TNNT1: variants seen among roughly 807,000 people sequenced by gnomAD.
TNNT1 encodes the protein troponin T, slow skeletal muscle.
Under a neutral mutation model 50.6 loss-of-function variants are expected in TNNT1, and 53 were observed. The ratio of observed to expected loss-of-function variants is 1.05; its 90% confidence interval spans 0.84 to 1.32. The LOEUF (loss-of-function observed/expected upper bound fraction) is 1.32, where lower values mean the gene tolerates loss of function less well. TNNT1 is among the 40% of genes most tolerant of loss of function. The pLI, the probability that TNNT1 is intolerant of heterozygous loss-of-function variation, is 0.00. For missense variants in TNNT1, 348 were observed against 381.7 expected, an observed-to-expected ratio of 0.91 and a Z score of 0.74; for synonymous variants, 142 against 138.0, an observed-to-expected ratio of 1.03 and a Z score of -0.20.
intron 6 of TNNT1, 24 bp from the exon 7 acceptor site, chr19:55,141,944 C>A (rs761290265): frequency 1.1e-5 from 17 of 1,613,146 alleles, no homozygotes; most frequent in Non-Finnish European, 1.4e-5. Flanking sequence ...AACACAGAGA[C>A]CATGAGTGGC....
At chr19:55,136,239 A>G (rs1023506430) in intron 11 of TNNT1, among the ~76,000 whole-genome samples, 2 of 152,128 alleles carry the variant, frequency 1.3e-5, no homozygotes, top group Non-Finnish European at 2.9e-5. Flanking sequence ...AACCCTCCAC[A>G]GGAAGCTGCT....
At chr19:55,141,798 A>G in intron 7 of TNNT1, 59 bp downstream of exon 7, 1 of 1,596,708 alleles carries the variant, frequency 6.3e-7, no homozygotes, top group East Asian at 2.2e-5. Flanking sequence ...TTCATGATTG[A>G]CACAAAGGCC....
intron 6 of TNNT1, 24 bp downstream of exon 6, chr19:55,145,520 G>A: frequency 6.2e-7 from 1 of 1,612,696 alleles, no homozygotes; most frequent in Non-Finnish European, 8.5e-7. Context: ...TATGACTGGG[G>A]CCCCCCACCC....
chr19:55,137,114 C>A lies in TNNT1; in HGVS notation c.600G>T (p.Glu200Asp). 1 of 1,608,998 alleles carries A rather than the reference C, an allele frequency of 6.2e-7. No homozygotes were observed. The highest frequency in any genetic ancestry group is 8.5e-7 in the Non-Finnish European group (1 of 1,176,486). The change falls in exon 11 of 14, where the codon GAG (glutamate) becomes GAT (aspartate). Residue 200 changes from glutamate to aspartate, a missense_variant. Transcript: ENST00000588981. The part of the protein sequence containing the change: ...KKPLDIDYMG[E>D]EQLRARSAWL... ...CCCACAGCACCTACCGGAGCTGTTCCTCCCCCATGTAGTCAATGTCCAGAG... is the reference window on the plus strand; with the variant it reads ...CCCACAGCACCTACCGGAGCTGTTCATCCCCCATGTAGTCAATGTCCAGAG...
In TNNT1 at chr19:55,137,950, G is replaced by A; in HGVS notation, c.501+11C>T. The A allele has an allele frequency of 1.9e-6, 3 of 1,614,166 alleles. No individual in the cohort carries two copies. In the Admixed American group the frequency reaches 5.0e-5, roughly 27 times the overall value. ...AGAACTCAGACCTCAGGCTCCTGCA[G>A]GCTGACTCACCTTGACCAGGTAGCC... On this transcript the variant is annotated intron_variant, in intron 10 of 13. Coordinates refer to ENST00000588981, the MANE Select transcript of TNNT1 (RefSeq NM_003283.6).
chr19:55,146,135 G>C (rs1482786576), intron 5 of TNNT1, among the ~76,000 whole-genome samples: 1 of 152,096 alleles, frequency 6.6e-6, no homozygotes, highest in East Asian at 1.9e-4. Flanking sequence ...GGGGGGATGG[G>C]GTGGTGCTTC....
At chr19:55,145,679 G>T in intron 5 of TNNT1, 114 bp from the exon 6 acceptor site, 1 of 1,130,128 alleles carries the variant, frequency 8.8e-7, no homozygotes, top group Non-Finnish European at 1.3e-6. Flanking sequence ...GGACCCCAGG[G>T]AAGGACTCTG....
intron 12 of TNNT1, 48 bp downstream of exon 12, chr19:55,134,018 G>A (rs1325281867): frequency 1.3e-6 from 2 of 1,592,834 alleles, no homozygotes; most frequent in Non-Finnish European, 1.7e-6. Context: ...GTCCCTCCCA[G>A]CCCAGCCCTG....
At chr19:55,133,991 CTGCCTGGAGTT>C in intron 12 of TNNT1, 64 bp from the exon 13 acceptor site, 1 of 1,612,966 alleles carries the variant, frequency 6.2e-7, no homozygotes, top group Non-Finnish European at 8.5e-7. Flanking sequence ...CCACCCACCC[CTGCCTGGAGTT>C]TGCTGGTCCC....
chr19:55,135,782 A>G (rs1275427627), intron 11 of TNNT1, among the ~76,000 whole-genome samples: 1 of 151,996 alleles, frequency 6.6e-6, no homozygotes, highest in Non-Finnish European at 1.5e-5. Context: ...CAGCCTCCCA[A>G]AGTGCTGGGA....
chr19:55,146,715 T>A lies in TNNT1; in HGVS notation c.47-8A>T. 7.3e-6 allele frequency: 11 copies of A among 1,502,006 alleles called. No homozygotes were observed. The highest frequency in any genetic ancestry group is 8.9e-6 in the Non-Finnish European group (10 of 1,123,660). 93.0% of individuals were successfully genotyped at this position (1,502,006 alleles called of 1,614,324 possible). Reference sequence around the variant, plus strand: ...CCTCCTCCGCAGCCTCCTCTGGAGATGGGGGCACAGAAGAGAAGGCGTTAG... The same window carrying A: ...CCTCCTCCGCAGCCTCCTCTGGAGAAGGGGGCACAGAAGAGAAGGCGTTAG... On this transcript the variant is annotated splice_polypyrimidine_tract_variant and splice_region_variant and intron_variant, in intron 3 of 13. Transcript: ENST00000588981.
rs755038904 is a variant in TNNT1, at chr19:55,141,341, G to A, written c.193-39C>T. On this transcript the variant is annotated intron_variant, in intron 7 of 13. Transcript: ENST00000588981. Reference sequence around the variant, plus strand: ...GGGCAGCCCGTCCTAGGAGACCCTGGAGGGGGCAGCAGCCTCCCAGCACCT... The same window carrying A: ...GGGCAGCCCGTCCTAGGAGACCCTGAAGGGGGCAGCAGCCTCCCAGCACCT... 2.0e-6 allele frequency: 3 copies of A among 1,524,670 alleles called. No homozygotes were observed. The South Asian group carries it at 3.4e-5, about 17-fold the overall frequency. 94.4% of individuals were successfully genotyped at this position (1,524,670 alleles called of 1,614,324 possible). A position where few individuals can be genotyped will look rare whatever the true frequency, so the allele number is the denominator to read the frequency against.
intron 11 of TNNT1, 69 bp from the exon 12 acceptor site, chr19:55,134,273 A>G (rs1429839198): frequency 6.9e-7 from 1 of 1,453,344 alleles, no homozygotes; most frequent in Non-Finnish European, 9.4e-7. Flanking sequence ...CCACACAGCG[A>G]GACTGTGAGT....
intron 9 of TNNT1, among the ~76,000 whole-genome samples, chr19:55,140,293 C>T (rs921106800): frequency 6.6e-6 from 1 of 151,564 alleles, no homozygotes; most frequent in Admixed American, 6.6e-5. Flanking sequence ...AATGCTGTCT[C>T]TACAAAAAAT....
chr19:55,138,170 C>T, intron 9 of TNNT1, 96 bp from the exon 10 acceptor site: 1 of 1,601,150 alleles, frequency 6.2e-7, no homozygotes, highest in Admixed American at 1.7e-5. Flanking sequence ...ATCAGCAGAC[C>T]CAGTGCCGCA....
intron 7 of TNNT1, 25 bp from the exon 8 acceptor site, chr19:55,141,327 C>T (rs1422932931): frequency 6.3e-7 from 1 of 1,587,106 alleles, no homozygotes; most frequent in Non-Finnish European, 8.7e-7. Context: ...GGCAGCCCGT[C>T]CTAGGAGACC....
rs1211082569 is a variant in TNNT1, at chr19:55,134,193, G to T, written c.623C>A (p.Ala208Asp). The part of the protein sequence containing the change: ...MGEEQLRARS[A>D]WLPPSQPSCP... ...GGAGGGCTGTGATGGAGGCAGCCAG[G>T]CAGACCGGGCCCTAGGCCCAGGGAC... Residue 208 changes from alanine (A) to aspartate (D), a missense_variant, in exon 12 of 14, where the codon GCC (alanine) becomes GAC (aspartate). Ala to Asp is a moderately radical substitution (Grantham distance 126, BLOSUM62 -2). Transcript: ENST00000588981. The T allele has an allele frequency of 6.3e-7, 1 of 1,576,060 alleles. No individual in the cohort carries two copies.
chr19:55,133,816 G>A, intron 13 of TNNT1, 71 bp downstream of exon 13: 1 of 1,570,768 alleles, frequency 6.4e-7, no homozygotes, highest in Non-Finnish European at 8.8e-7. Context: ...GCCCACAGAG[G>A]GAGGGAAAGA....
At chr19:55,141,347 G>GCAGCAGCCTCC in intron 7 of TNNT1, 45 bp from the exon 8 acceptor site, 1 of 1,452,978 alleles carries the variant, frequency 6.9e-7, no homozygotes, top group Non-Finnish European at 9.7e-7. Context: ...CCTGGAGGGG[G>GCAGCAGCCTCC]CAGCAGCCTC....
Sources: gnomAD v4.1 joint callset for allele counts (sites outside exome capture counted in the v4.1 genomes callset) on GRCh38, gnomAD v4.1.1 for gene constraint, MANE v1.5 for transcripts, NCBI Gene and HGNC (gene_info 2026-07-23, HGNC 2026-07-21) for gene names.